The following MGLL variants were observed in gnomAD, a reference collection of about 807,000 sequenced individuals.
MGLL encodes monoglyceride lipase.
A neutral mutation model predicts 29.1 loss-of-function variants in MGLL; 7 were observed. The observed-to-expected ratio is 0.24, with a 90% confidence interval of 0.14 to 0.45. The LOEUF (loss-of-function observed/expected upper bound fraction) is 0.45. Ranked by LOEUF, MGLL falls within the 20% of genes least tolerant of loss-of-function variation. The pLI is 0.99. For missense variants in MGLL, 356 were observed against 413.6 expected, an observed-to-expected ratio of 0.86 and a Z score of 1.21; for synonymous variants, 148 against 168.3, an observed-to-expected ratio of 0.88 and a Z score of 0.93.
At chr3:127,809,679 A>G (rs2077628089) in intron 2 of MGLL, among the ~76,000 whole-genome samples, 2 of 152,116 alleles carry the variant, frequency 1.3e-5, no homozygotes, top group Non-Finnish European at 2.9e-5. Context: ...CTGAGGACAA[A>G]AATCAGCAAG....
intron 3 of MGLL, among the ~76,000 whole-genome samples, chr3:127,740,357 CACT>C (rs2076317433): frequency 6.6e-6 from 1 of 152,220 alleles, no homozygotes; most frequent in African/African-American, 2.4e-5. Context: ...TGGCAACCAC[CACT>C]GACTTTTTGT....
intron 6 of MGLL, among the ~76,000 whole-genome samples, chr3:127,702,884 G>A (rs774441107): frequency 2.0e-5 from 3 of 152,086 alleles, no homozygotes; most frequent in East Asian, 1.9e-4. Flanking sequence ...TAATAAAGAC[G>A]GGGTTTCACC....
In MGLL at chr3:127,700,930, G is replaced by A. The variant is rs534805575; in HGVS notation, c.601-5740C>T. Among the ~76,000 whole-genome samples the A allele has an allele frequency of 3.9e-5, 6 of 152,198 alleles. No homozygotes were observed. The South Asian group carries it at 8.3e-4, about 21-fold the overall frequency. On this transcript the variant is annotated intron_variant, in intron 6 of 7. Coordinates refer to ENST00000265052, the MANE Select transcript of MGLL (RefSeq NM_007283.7). Reference sequence around the variant, plus strand: ...TCCTAAACGCAAATAAGAATGTACCGTAGCCTGGGCACGGTGGTGCATGCC... The same window carrying A: ...TCCTAAACGCAAATAAGAATGTACCATAGCCTGGGCACGGTGGTGCATGCC...
At chr3:127,799,254 C>T (rs1464845737) in intron 2 of MGLL, among the ~76,000 whole-genome samples, 2 of 152,210 alleles carry the variant, frequency 1.3e-5, no homozygotes, top group Non-Finnish European at 2.9e-5. Flanking sequence ...GTAGCCTGAG[C>T]ATCAGTTTTC....
intron 3 of MGLL, among the ~76,000 whole-genome samples, chr3:127,754,913 G>A (rs911328428): frequency 6.6e-6 from 1 of 152,178 alleles, no homozygotes; most frequent in Non-Finnish European, 1.5e-5. Context: ...AGAGGGAAGC[G>A]TTCCCTAGGT....
chr3:127,776,071 G>A (rs180958208), intron 3 of MGLL, among the ~76,000 whole-genome samples: 32 of 152,330 alleles, frequency 2.1e-4, no homozygotes, highest in Admixed American at 1.5e-3. Flanking sequence ...GTCCCCACCT[G>A]TTCACACATG....
At chr3:127,820,868 T>TA (rs1373775118) in intron 2 of MGLL, among the ~76,000 whole-genome samples, 1 of 152,194 alleles carries the variant, frequency 6.6e-6, no homozygotes, top group Non-Finnish European at 1.5e-5. Context: ...GGATCATAGA[T>TA]ACCTTGATGA....
At chr3:127,694,194 T>C (rs1183475993) in intron 7 of MGLL, among the ~76,000 whole-genome samples, 2 of 143,858 alleles carry the variant, frequency 1.4e-5, no homozygotes, top group African/African-American at 2.6e-5. Flanking sequence ...CACTTGAACC[T>C]GGGAGGCAGA....
chr3:127,764,566 C>T (rs892204727), intron 3 of MGLL, among the ~76,000 whole-genome samples: 1 of 152,302 alleles, frequency 6.6e-6, no homozygotes, highest in South Asian at 2.1e-4. Context: ...AATTACCACA[C>T]CTACTCCAAG....
rs144628236 is a variant in MGLL at position 127,710,802 on chromosome 3, G to A, written c.511-137C>T. The A allele has an allele frequency of 4.3e-4, 339 of 790,644 alleles. 3 individuals are homozygous for A. In the East Asian group the frequency reaches 8.4e-3, roughly 20 times the overall value. The allele number at this position is 790,644 out of a possible 1,614,324, so 49.0% of individuals were successfully genotyped here. A position where few individuals can be genotyped will look rare whatever the true frequency, so the allele number is the denominator to read the frequency against. ...AGCCAGGTTCGTCTCCCAAGCCTGCGTCCTTAAGCCTGCATGCCCAAGGAC... is the reference window on the plus strand; with the variant it reads ...AGCCAGGTTCGTCTCCCAAGCCTGCATCCTTAAGCCTGCATGCCCAAGGAC... On this transcript the variant is annotated intron_variant, in intron 5 of 7. Transcript: ENST00000265052.
intron 2 of MGLL, among the ~76,000 whole-genome samples, chr3:127,792,747 T>C (rs2077322642): frequency 6.6e-6 from 1 of 152,042 alleles, no homozygotes; most frequent in Non-Finnish European, 1.5e-5. Context: ...GCTTTGAAGA[T>C]GAAAAGCTGC....
chr3:127,775,370 A>C (rs1044944441), intron 3 of MGLL, among the ~76,000 whole-genome samples: 1 of 152,236 alleles, frequency 6.6e-6, no homozygotes, highest in Non-Finnish European at 1.5e-5. Flanking sequence ...AATAAAATAA[A>C]CCTATGGCAG....
intron 6 of MGLL, among the ~76,000 whole-genome samples, chr3:127,705,902 CT>C (rs2075593712): frequency 6.6e-6 from 1 of 152,168 alleles, no homozygotes; most frequent in Non-Finnish European, 1.5e-5. Context: ...TGAGATGCCA[CT>C]CCATACCCAT....
chr3:127,718,227 C>CG (rs1409083929), intron 5 of MGLL, among the ~76,000 whole-genome samples: 1 of 152,130 alleles, frequency 6.6e-6, no homozygotes, highest in African/African-American at 2.4e-5. Flanking sequence ...CTGCCCCTTA[C>CG]TAACTGGGGG....
At chr3:127,695,398 A>G (rs1212520514) in intron 6 of MGLL, among the ~76,000 whole-genome samples, 1 of 152,168 alleles carries the variant, frequency 6.6e-6, no homozygotes, top group Non-Finnish European at 1.5e-5. Context: ...TTCAGGCTTG[A>G]GGGTTTCACA....
intron 6 of MGLL, 25 bp from the exon 7 acceptor site, chr3:127,695,215 A>C (rs1243107698): frequency 1.9e-6 from 3 of 1,603,934 alleles, no homozygotes; most frequent in Non-Finnish European, 2.6e-6. Context: ...AGAGGGTTCC[A>C]TCAGCATGGG....
At chr3:127,755,128 A>G (rs768367255) in intron 3 of MGLL, among the ~76,000 whole-genome samples, 1 of 152,178 alleles carries the variant, frequency 6.6e-6, no homozygotes, top group African/African-American at 2.4e-5. Context: ...GGCCTCGTCA[A>G]CTAGGGGATG....
intron 3 of MGLL, among the ~76,000 whole-genome samples, chr3:127,728,575 C>T (rs570326621): frequency 3.4e-4 from 52 of 152,292 alleles, no homozygotes; most frequent in African/African-American, 1.2e-3. Flanking sequence ...CTTACTGTTG[C>T]GTAGTACGCC....
intron 6 of MGLL, among the ~76,000 whole-genome samples, chr3:127,708,853 T>C (rs932959618): frequency 2.0e-5 from 3 of 152,208 alleles, no homozygotes; most frequent in Non-Finnish European, 4.4e-5. Context: ...GCAATGGCCA[T>C]GGCCATGGGC....
Sources: gnomAD v4.1 joint callset for allele counts (sites outside exome capture counted in the v4.1 genomes callset) on GRCh38, gnomAD v4.1.1 for gene constraint, MANE v1.5 for transcripts, NCBI Gene and HGNC (gene_info 2026-07-23, HGNC 2026-07-21) for gene names.